PTCHD4: variants seen among roughly 807,000 people sequenced by gnomAD.
The protein encoded by PTCHD4 is patched domain containing 4.
In PTCHD4, 33 loss-of-function variants were observed where a neutral mutation model predicts 58.1. The observed-to-expected ratio is 0.57, with a 90% CI of 0.43 to 0.76. The LOEUF is 0.76. Among genes scored for constraint, PTCHD4 ranks in the 30% least tolerant of loss-of-function variants. The probability of loss-of-function intolerance (pLI) is 0.00; values close to 1 mark genes in which losing one functional copy is unlikely to be tolerated. For missense variants in PTCHD4, 1,058 were observed against 1,027.1 expected (o/e 1.03, Z -0.41); for synonymous variants, 478 against 409.6 (o/e 1.17, Z -2.02).
chr6:47,875,686 G>A lies in PTCHD4; in HGVS notation c.*2617C>T, dbSNP rs1449909109. 6.6e-6 allele frequency among the ~76,000 whole-genome samples: 1 copy of A among 151,754 alleles called. No individual in the cohort carries two copies. The highest frequency in any genetic ancestry group is 1.5e-5 in the Non-Finnish European group (1 of 67,864). On this transcript the variant is annotated 3_prime_UTR_variant, in exon 5 of 5. Coordinates refer to ENST00000339488, the MANE Select transcript of PTCHD4 (RefSeq NM_001384253.1). ...TGAAGACATAAACTAAAAAAGAACT[G>A]TTTTTCCCTATCTAAACAGAGACTA...
At position 48,068,539 on chromosome 6, in the gene PTCHD4, G is replaced by C; in HGVS notation, c.108C>G (p.Ser36Arg). The part of the protein sequence containing the change: ...SFCHRLGLCV[S>R]RHPVFFLTVP... Reference sequence around the variant, plus strand: ...CGGTGAGGAAAAAGACCGGGTGCCGGCTCACGCACAAACCCAGCCTGTGGC... The same window carrying C: ...CGGTGAGGAAAAAGACCGGGTGCCGCCTCACGCACAAACCCAGCCTGTGGC... Residue 36 changes from serine to arginine, a missense_variant, in exon 3 of 5, where the codon AGC becomes AGG. Ser to Arg is a moderately radical substitution (Grantham distance 110). Coordinates refer to ENST00000339488, the MANE Select transcript of PTCHD4 (RefSeq NM_001384253.1). The surrounding 1 kb of genome is among the most constrained non-coding windows in gnomAD (Gnocchi z 4.2). The C allele has an allele frequency of 1.2e-6, 2 of 1,608,366 alleles. No homozygotes were observed. The highest frequency in any genetic ancestry group is 1.7e-6 in the Non-Finnish European group (2 of 1,178,862).
At chr6:48,041,811 A>G (rs1267096517) in intron 3 of PTCHD4, among the ~76,000 whole-genome samples, 1 of 152,040 alleles carries the variant, frequency 6.6e-6, no homozygotes, top group African/African-American at 2.4e-5. Flanking sequence ...ACATGTAGTC[A>G]CATCTTTATT....
At chr6:48,107,496 C>T (rs1480649138) in intron 1 of PTCHD4, among the ~76,000 whole-genome samples, 1 of 151,982 alleles carries the variant, frequency 6.6e-6, no homozygotes, top group African/African-American at 2.4e-5. Flanking sequence ...CCATAAAAAC[C>T]CTAGAAGAAA....
At chr6:47,988,792 T>TC (rs2114028135) in intron 4 of PTCHD4, among the ~76,000 whole-genome samples, 2 of 152,278 alleles carry the variant, frequency 1.3e-5, no homozygotes, top group African/African-American at 4.8e-5. Flanking sequence ...CCTCTTTTTT[T>TC]CCCAGTCTCA....
At chr6:47,951,834 A>G (rs1235485342) in intron 4 of PTCHD4, among the ~76,000 whole-genome samples, 3 of 152,102 alleles carry the variant, frequency 2.0e-5, no homozygotes, top group Admixed American at 2.0e-4. Context: ...TAATCTTTAG[A>G]AAGTTTCCCA....
intron 3 of PTCHD4, among the ~76,000 whole-genome samples, chr6:48,035,816 G>A (rs978343606): frequency 6.6e-6 from 1 of 151,996 alleles, no homozygotes; most frequent in Non-Finnish European, 1.5e-5. Flanking sequence ...AATCTCCCTT[G>A]CCACTGATGT....
At chr6:48,108,445 A>C (rs1170487021) in intron 1 of PTCHD4, among the ~76,000 whole-genome samples, 2 of 151,850 alleles carry the variant, frequency 1.3e-5, no homozygotes, top group Admixed American at 6.6e-5. Context: ...CACACCAGGG[A>C]CTGTTGTGGG....
At chr6:48,002,468 G>T (rs951129653) in intron 4 of PTCHD4, among the ~76,000 whole-genome samples, 2 of 151,940 alleles carry the variant, frequency 1.3e-5, no homozygotes, top group South Asian at 4.2e-4. Flanking sequence ...AGGGACGTGG[G>T]TGAAGCTGGA....
rs114089154 is a variant in PTCHD4 at position 48,026,751 on chromosome 6, G to T, written c.418-17637C>A. Among the ~76,000 whole-genome samples, 562 of 152,164 alleles carry T rather than the reference G, an allele frequency of 3.7e-3. 3 individuals carry two copies. The highest frequency in any genetic ancestry group is 0.013 in the African/African-American group (548 of 41,528). On this transcript the variant is annotated intron_variant, in intron 3 of 4. Coordinates refer to ENST00000339488, the MANE Select transcript of PTCHD4 (RefSeq NM_001384253.1). The stretch of plus-strand genomic sequence containing the variant: ...TTGGATCTTTCATCCACTCAGATGG[G>T]CTTTGGAGACACCTAGACAGCTGCT...
intron 4 of PTCHD4, chr6:47,901,098 G>T (rs1000039318): frequency 2.0e-5 from 3 of 150,070 alleles, no homozygotes; most frequent in African/African-American, 7.3e-5. Context: ...AGCTTGCAGT[G>T]AGCCGAGATT....
chr6:48,070,869 A>G (rs1032283584), intron 1 of PTCHD4, among the ~76,000 whole-genome samples: 1 of 152,250 alleles, frequency 6.6e-6, no homozygotes, highest in Non-Finnish European at 1.5e-5. Flanking sequence ...GAGGAAATGT[A>G]TCTATCGTCC....
At chr6:48,042,331 G>T (rs112041629) in intron 3 of PTCHD4, among the ~76,000 whole-genome samples, 96 of 152,082 alleles carry the variant, frequency 6.3e-4, no homozygotes, top group African/African-American at 2.1e-3. Context: ...AAAGATTTAT[G>T]TTTAAGCCTA....
intron 4 of PTCHD4, among the ~76,000 whole-genome samples, chr6:47,954,487 T>C (rs115391826): frequency 0.012 from 1,846 of 152,316 alleles, 35 homozygotes; most frequent in African/African-American, 0.04. Context: ...GCTAAGGTTT[T>C]GAAATAAAAG....
At chr6:47,941,326 G>A (rs1766213818) in intron 4 of PTCHD4, among the ~76,000 whole-genome samples, 1 of 152,156 alleles carries the variant, frequency 6.6e-6, no homozygotes, top group Non-Finnish European at 1.5e-5. Flanking sequence ...CTGCTGGCAT[G>A]CCCTGCAGGT....
At chr6:48,037,922 T>C (rs1052901358) in intron 3 of PTCHD4, among the ~76,000 whole-genome samples, 3 of 148,632 alleles carry the variant, frequency 2.0e-5, no homozygotes, top group Non-Finnish European at 4.5e-5. Flanking sequence ...AAAAAAAAAG[T>C]TCCTTTTATT....
intron 4 of PTCHD4, among the ~76,000 whole-genome samples, chr6:47,926,141 G>C (rs1435230176): frequency 6.6e-6 from 1 of 152,164 alleles, no homozygotes; most frequent in Non-Finnish European, 1.5e-5. Flanking sequence ...TCACAATCTT[G>C]ACAGGGCGTT....
At position 48,000,763 on chromosome 6, in the gene PTCHD4, C is replaced by T. The variant is rs77990020; in HGVS notation, c.898+7871G>A. The stretch of plus-strand genomic sequence containing the variant: ...AGTAGGTGAACTGTCTATGAAATGA[C>T]TCCACTTATGCTCTGAATCTAGTCC... On this transcript the variant is annotated intron_variant, in intron 4 of 4. Coordinates refer to ENST00000339488, the MANE Select transcript of PTCHD4 (RefSeq NM_001384253.1). 9.5e-4 allele frequency among the ~76,000 whole-genome samples: 145 copies of T among 152,298 alleles called. 1 individual carries two copies. Among genetic ancestry groups the T allele is most frequent in the South Asian group, 1.7e-3 (8 of 4,832 alleles).
chr6:48,086,653 G>A (rs1765271297), intron 1 of PTCHD4, among the ~76,000 whole-genome samples: 1 of 152,098 alleles, frequency 6.6e-6, no homozygotes, highest in Non-Finnish European at 1.5e-5. Flanking sequence ...ATGAGTAGGA[G>A]ACAGTAGAAT....
At chr6:48,043,678 A>G (rs1429482832) in intron 3 of PTCHD4, among the ~76,000 whole-genome samples, 1 of 151,884 alleles carries the variant, frequency 6.6e-6, no homozygotes. Flanking sequence ...ACTATGTACA[A>G]TGTCTCTAAG....
Sources: allele counts gnomAD v4.1 joint callset (sites outside exome capture counted in the v4.1 genomes callset), GRCh38; gene constraint gnomAD v4.1.1; non-coding constraint Gnocchi (gnomAD v3.1); transcripts MANE v1.5; gene names NCBI Gene and HGNC (gene_info 2026-07-23, HGNC 2026-07-21).